Variants in LARS1 observed in about 807,000 individuals in gnomAD.
LARS1 encodes leucyl-tRNA synthetase 1.
In LARS1, 100 loss-of-function variants were observed where a neutral mutation model predicts 162.8. That is an observed-to-expected ratio of 0.61 (90% CI 0.52 to 0.73). The LOEUF (loss-of-function observed/expected upper bound fraction) is 0.73, where lower values mean the gene tolerates loss of function less well. Among genes scored for constraint, LARS1 ranks in the 30% least tolerant of loss-of-function variants. The probability of loss-of-function intolerance (pLI) is 0.00; values close to 1 mark genes in which losing one functional copy is unlikely to be tolerated. For missense variants in LARS1, 1,258 were observed against 1,408.9 expected, an observed-to-expected ratio of 0.89 and a Z score of 1.71; for synonymous variants, 457 against 462.8, an observed-to-expected ratio of 0.99 and a Z score of 0.16.
intron 21 of LARS1, chr5:146,139,604 G>A (rs112888218): frequency 0.13 from 20,235 of 151,888 alleles, 1,951 homozygotes; most frequent in Non-Finnish European, 0.2. Flanking sequence ...GGCCAGGCGC[G>A]GTGGCTCACA....
intron 7 of LARS1, 128 bp downstream of exon 7, chr5:146,160,246 G>T (rs926640084): frequency 5.1e-5 from 25 of 487,412 alleles, no homozygotes; most frequent in African/African-American, 4.9e-4. Flanking sequence ...ATGTTGCCCA[G>T]GCTGGTCTCA....
intron 21 of LARS1, among the ~76,000 whole-genome samples, chr5:146,135,909 A>G (rs1752480618): frequency 6.6e-6 from 1 of 152,244 alleles, no homozygotes; most frequent in Non-Finnish European, 1.5e-5. Flanking sequence ...ACTCACACTC[A>G]GTCCACTGTG....
chr5:146,135,578 C>T, intron 22 of LARS1, 23 bp downstream of exon 22: 3 of 1,552,666 alleles, frequency 1.9e-6, no homozygotes, highest in Non-Finnish European at 2.6e-6. Context: ...TACAGAACAG[C>T]AATAAGAAAA....
At chr5:146,178,360 T>A (rs1754690013) in intron 1 of LARS1, among the ~76,000 whole-genome samples, 1 of 152,160 alleles carries the variant, frequency 6.6e-6, no homozygotes, top group South Asian at 2.1e-4. Flanking sequence ...ACGCCTGTAA[T>A]CCCAGCACTT....
chr5:146,136,627 G>A (rs183341044), intron 21 of LARS1, among the ~76,000 whole-genome samples: 381 of 152,018 alleles, frequency 2.5e-3, no homozygotes, highest in African/African-American at 8.5e-3. Context: ...GATTACAGGC[G>A]CGCACCATCA....
intron 31 of LARS1, among the ~76,000 whole-genome samples, chr5:146,118,622 T>C (rs1222163516): frequency 6.6e-6 from 1 of 152,236 alleles, no homozygotes; most frequent in Non-Finnish European, 1.5e-5. Flanking sequence ...CCTCACACTG[T>C]ACTCATAAAT....
At chr5:146,171,855 A>G in intron 4 of LARS1, 55 bp downstream of exon 4, 1 of 1,271,648 alleles carries the variant, frequency 7.9e-7, no homozygotes, top group Non-Finnish European at 1.1e-6. Flanking sequence ...TGAATTGGGT[A>G]TTACTATTTG....
intron 15 of LARS1, 104 bp downstream of exon 15, chr5:146,149,518 T>C (rs1037741832): frequency 2.3e-5 from 19 of 812,152 alleles, no homozygotes; most frequent in Admixed American, 1.6e-4. Flanking sequence ...TATGATATTT[T>C]TATTATAGCT....
intron 15 of LARS1, among the ~76,000 whole-genome samples, chr5:146,145,224 C>T (rs1414020204): frequency 1.3e-5 from 2 of 152,028 alleles, no homozygotes; most frequent in East Asian, 3.9e-4. Flanking sequence ...GCTGGGACTA[C>T]AGGCACATGT....
rs1423724823 is a variant in LARS1, at chr5:146,132,886, T to C, written c.2396+12A>G. 2 of 1,608,930 alleles carry C rather than the reference T, an allele frequency of 1.2e-6. No individual in the cohort carries two copies. The highest frequency in any genetic ancestry group is 3.3e-5 in the Admixed American group (2 of 59,756). On this transcript the variant is annotated intron_variant, in intron 23 of 31. Coordinates refer to ENST00000394434, the MANE Select transcript of LARS1 (RefSeq NM_020117.11). Reference sequence around the variant, plus strand: ...ACTCTAAAACACAAAATGATTGGGATCTACAGATTACCTGGCAAAAACTCT... The same window carrying C: ...ACTCTAAAACACAAAATGATTGGGACCTACAGATTACCTGGCAAAAACTCT...
At chr5:146,129,356 CCA>C (rs2126414489) in intron 25 of LARS1, among the ~76,000 whole-genome samples, 1 of 152,176 alleles carries the variant, frequency 6.6e-6, no homozygotes, top group South Asian at 2.1e-4. Context: ...ATATTAATAC[CCA>C]CACACATATG....
At chr5:146,149,417 C>T (rs990531977) in intron 15 of LARS1, among the ~76,000 whole-genome samples, 3 of 152,148 alleles carry the variant, frequency 2.0e-5, no homozygotes, top group Admixed American at 6.5e-5. Context: ...ATGCACACAT[C>T]GACTTTAAAA....
At chr5:146,174,172 G>A (rs1246451216) in intron 2 of LARS1, among the ~76,000 whole-genome samples, 1 of 132,988 alleles carries the variant, frequency 7.5e-6, no homozygotes, top group African/African-American at 2.8e-5. Flanking sequence ...AAAAAGGCTG[G>A]GGCCTGGTGG....
intron 13 of LARS1, among the ~76,000 whole-genome samples, chr5:146,152,836 T>TA: frequency 6.6e-6 from 1 of 152,244 alleles, no homozygotes; most frequent in Non-Finnish European, 1.5e-5. Flanking sequence ...TTGTTAAAGT[T>TA]ATTATGGTTA....
intron 23 of LARS1, 69 bp downstream of exon 23, chr5:146,132,829 A>G (rs1752343481): frequency 1.6e-6 from 2 of 1,256,676 alleles, no homozygotes; most frequent in Non-Finnish European, 2.2e-6. Flanking sequence ...AAAGAAAAGA[A>G]AAAGAAAACA....
Position 146,153,720 on chromosome 5 carries a change from A to T in LARS1, c.1230+14T>A. 1 of 1,605,708 alleles carries T rather than the reference A, an allele frequency of 6.2e-7. No individual in the cohort carries two copies. On this transcript the variant is annotated intron_variant, in intron 12 of 31. Transcript: ENST00000394434. ...GGTGAGGACGAAATACAAACATGAAACTCAGATACTTACTTGCTTTTTCTT... is the reference window on the plus strand; with the variant it reads ...GGTGAGGACGAAATACAAACATGAATCTCAGATACTTACTTGCTTTTTCTT...
intron 4 of LARS1, among the ~76,000 whole-genome samples, chr5:146,170,580 AG>A (rs1315250825): frequency 6.6e-6 from 1 of 152,186 alleles, no homozygotes; most frequent in Non-Finnish European, 1.5e-5. Flanking sequence ...AATTTCTTGG[AG>A]GGGATAACAG....
In LARS1 at chr5:146,158,327, T is replaced by C. The variant is rs925521675; in HGVS notation, c.772-532A>G. ...TAGGATATTGCTGCCATTGGCTATA[T>C]TAAAACTTTACTGGGTCTTAAGTCT... On this transcript the variant is annotated intron_variant, in intron 8 of 31. Coordinates refer to ENST00000394434, the MANE Select transcript of LARS1 (RefSeq NM_020117.11). Among the ~76,000 whole-genome samples the C allele has an allele frequency of 1.2e-4, 18 of 152,328 alleles. 1 individual carries two copies. The East Asian group carries it at 3.3e-3, about 28-fold the overall frequency.
chr5:146,128,605 TAA>T, intron 27 of LARS1, 65 bp downstream of exon 27: 1 of 1,083,686 alleles, frequency 9.2e-7, no homozygotes, highest in Non-Finnish European at 1.3e-6. Context: ...GCCAACATCC[TAA>T]AAACAAAAAC....
Sources: gnomAD v4.1 joint callset for allele counts (sites outside exome capture counted in the v4.1 genomes callset) on GRCh38, gnomAD v4.1.1 for gene constraint, MANE v1.5 for transcripts, NCBI Gene and HGNC (gene_info 2026-07-23, HGNC 2026-07-21) for gene names.